BIRC6: variants seen among roughly 807,000 people sequenced by gnomAD.
BIRC6 encodes baculoviral IAP repeat containing 6.
BIRC6 carries 98 observed loss-of-function variants against 503.3 expected under a neutral mutation model. The ratio of observed to expected loss-of-function variants is 0.19; its 90% CI spans 0.17 to 0.23. BIRC6 has a LOEUF of 0.23. Among genes scored for constraint, BIRC6 ranks in the 10% least tolerant of loss-of-function variants. BIRC6 has a pLI of 1.00. For synonymous variants in BIRC6, 2,240 were observed against 2,078.7 expected, an observed-to-expected ratio of 1.08 and a Z score of -2.11; for missense variants, 5,360 against 5,806.0, an observed-to-expected ratio of 0.92 and a Z score of 2.50.
At chr2:32,432,949 A>G (rs935605132) in intron 12 of BIRC6, among the ~76,000 whole-genome samples, 2 of 152,140 alleles carry the variant, frequency 1.3e-5, no homozygotes, top group Non-Finnish European at 2.9e-5. Context: ...CTGATTCAGG[A>G]ATGCTGATGG....
intron 3 of BIRC6, among the ~76,000 whole-genome samples, chr2:32,382,370 A>G (rs2037797756): frequency 6.6e-6 from 1 of 152,246 alleles, no homozygotes. Context: ...AAACCAAAAC[A>G]AAATGCTGAA....
In BIRC6 at chr2:32,461,343, A is replaced by AGTGTGTGTGTGTGTGT. The variant is rs373274536; in HGVS notation, c.4754-1826_4754-1811dup. On this transcript the variant is annotated intron_variant, in intron 23 of 73. Transcript: ENST00000421745. Reference sequence around the variant, plus strand: ...GAGGCTTGTGCCACCATGCCTGGCTAGTGTGTGTGTGTGTGTGTGTGTGTG... The same window carrying AGTGTGTGTGTGTGTGT: ...GAGGCTTGTGCCACCATGCCTGGCTAGTGTGTGTGTGTGTGTGTGTGTGTGTGTGTGTGTGTGTGTG... 2.4e-3 allele frequency among the ~76,000 whole-genome samples: 316 copies of AGTGTGTGTGTGTGTGT among 132,122 alleles called. 4 individuals are homozygous for AGTGTGTGTGTGTGTGT. Among genetic ancestry groups the AGTGTGTGTGTGTGTGT allele is most frequent in the African/African-American group, 7.3e-3 (251 of 34,246 alleles). 86.7% of individuals were successfully genotyped at this position (132,122 alleles called of 152,430 possible). A position where few individuals can be genotyped will look rare whatever the true frequency, so the allele number is the denominator to read the frequency against.
intron 45 of BIRC6, among the ~76,000 whole-genome samples, chr2:32,499,116 A>G (rs1261379836): frequency 6.6e-6 from 1 of 152,232 alleles, no homozygotes; most frequent in African/African-American, 2.4e-5. Context: ...TTCAATTTTG[A>G]TACTTGAGAA....
At chr2:32,419,236 A>G (rs896205957) in intron 10 of BIRC6, among the ~76,000 whole-genome samples, 3 of 152,222 alleles carry the variant, frequency 2.0e-5, no homozygotes, top group African/African-American at 7.2e-5. Context: ...ACTGAATCAA[A>G]TGGATGTGAC....
intron 8 of BIRC6, among the ~76,000 whole-genome samples, chr2:32,404,041 C>T (rs961778367): frequency 1.3e-5 from 2 of 151,282 alleles, no homozygotes; most frequent in Non-Finnish European, 2.9e-5. Context: ...GATTTTTCTG[C>T]CTTAGCCTCC....
intron 65 of BIRC6, among the ~76,000 whole-genome samples, chr2:32,570,095 T>G (rs1248943321): frequency 6.6e-6 from 1 of 152,182 alleles, no homozygotes; most frequent in Non-Finnish European, 1.5e-5. Flanking sequence ...TGTGTGTTCC[T>G]TCTATGCCCA....
At chr2:32,425,125 G>A (rs969114030) in intron 10 of BIRC6, among the ~76,000 whole-genome samples, 5 of 151,390 alleles carry the variant, frequency 3.3e-5, no homozygotes, top group Admixed American at 6.6e-5. Context: ...TGAGTTGTAG[G>A]AACATTTTTA....
At chr2:32,383,892 A>G (rs1371691402) in intron 3 of BIRC6, among the ~76,000 whole-genome samples, 1 of 152,186 alleles carries the variant, frequency 6.6e-6, no homozygotes, top group Non-Finnish European at 1.5e-5. Context: ...GGAAGTACTA[A>G]GGGGCATCCT....
Position 32,401,375 on chromosome 2 carries a change from A to G in BIRC6, c.1247A>G (p.Lys416Arg), listed in dbSNP as rs781741200. The G allele has an allele frequency of 5.6e-5, 91 of 1,613,918 alleles. No individual in the cohort carries two copies. Among genetic ancestry groups the G allele is most frequent in the African/African-American group, 2.3e-4 (17 of 74,946 alleles). The change falls in exon 7 of 74, where the codon AAA becomes AGA. Residue 416 changes from lysine to arginine, a missense_variant. Physicochemically the swap from Lys to Arg is conservative, Grantham distance 26. Coordinates refer to ENST00000421745, the MANE Select transcript of BIRC6 (RefSeq NM_016252.4). ...AAGATCTGCATATGGGATGTTTCCA[A>G]ACTTATGAAGGTATGTTTGAATTTT... ...RGKICIWDVS[K>R]LMKVHLKFEI...
intron 1 of BIRC6, among the ~76,000 whole-genome samples, chr2:32,372,158 A>G (rs755910154): frequency 1.2e-4 from 18 of 152,284 alleles, no homozygotes; most frequent in Non-Finnish European, 2.4e-4. Context: ...TATAGAATAT[A>G]AAGTAAAGTT....
chr2:32,551,690 C>T (rs1048264488), intron 65 of BIRC6, among the ~76,000 whole-genome samples: 1 of 152,086 alleles, frequency 6.6e-6, no homozygotes, highest in Non-Finnish European at 1.5e-5. Flanking sequence ...CCAATTTTTT[C>T]ATTTGCGTAT....
chr2:32,444,883 A>G (rs1450567424), intron 20 of BIRC6, among the ~76,000 whole-genome samples: 1 of 152,198 alleles, frequency 6.6e-6, no homozygotes, highest in East Asian at 1.9e-4. Context: ...GAACATTTTG[A>G]CTCAGTTGCT....
chr2:32,371,482 C>T (rs984999220), intron 1 of BIRC6, among the ~76,000 whole-genome samples: 2 of 151,856 alleles, frequency 1.3e-5, no homozygotes, highest in Admixed American at 6.6e-5. Flanking sequence ...TTAAGTGAGT[C>T]TCCTGCCTCA....
At chr2:32,574,415 G>T (rs749376490) in intron 65 of BIRC6, among the ~76,000 whole-genome samples, 4 of 151,990 alleles carry the variant, frequency 2.6e-5, no homozygotes, top group Non-Finnish European at 5.9e-5. Context: ...ACAGTGTCCG[G>T]CCCCAAGTAT....
chr2:32,511,201 C>CTTTTTTTTTTTTTTTTTTTTT, intron 53 of BIRC6, among the ~76,000 whole-genome samples: 8 of 48,584 alleles, frequency 1.6e-4, no homozygotes, highest in East Asian at 1.6e-3. Flanking sequence ...CTTTTCTTTT[C>CTTTTTTTTTTTTTTTTTTTTT]TTTTTTTTTT....
rs767744174 is a variant in BIRC6, at chr2:32,598,005, T to G, written c.13830+37T>G. The G allele has an allele frequency of 2.0e-6, 3 of 1,511,048 alleles. No homozygotes were observed. In the African/African-American group the frequency reaches 4.1e-5, roughly 21 times the overall value. The allele number at this position is 1,511,048 out of a possible 1,614,324, so 93.6% of individuals were successfully genotyped here. A position where few individuals can be genotyped will look rare whatever the true frequency, so the allele number is the denominator to read the frequency against. ...TGATAATAAAGCACTCTCCCTTATC[T>G]CCTTGGCTCATCTAATTACTCAAAT... is the stretch of plus-strand genomic sequence containing the variant. On this transcript the variant is annotated intron_variant, in intron 69 of 73. Transcript: ENST00000421745.
chr2:32,584,393 G>A (rs2060890829), intron 66 of BIRC6, among the ~76,000 whole-genome samples: 1 of 152,058 alleles, frequency 6.6e-6, no homozygotes, highest in African/African-American at 2.4e-5. Flanking sequence ...AGCTGCGTGT[G>A]GTGGCGCACA....
rs1017596378 is a variant in BIRC6, at chr2:32,449,066, A to G, written c.4618+138A>G. 6.7e-6 allele frequency: 5 copies of G among 748,080 alleles called. No individual in the cohort carries two copies. The African/African-American group carries it at 7.2e-5, about 11-fold the overall frequency. 46.3% of individuals were successfully genotyped at this position (748,080 alleles called of 1,614,324 possible). On this transcript the variant is annotated intron_variant, in intron 22 of 73. Transcript: ENST00000421745. Reference sequence around the variant, plus strand: ...CTTAGAACTTATCATATGAATTATTAAAATGTTTCCTAGAAGTTCTTAACT... The same window carrying G: ...CTTAGAACTTATCATATGAATTATTGAAATGTTTCCTAGAAGTTCTTAACT...
Position 32,488,689 on chromosome 2 carries a change from G to T in BIRC6, c.8070G>T (p.Arg2690Ser). The T allele has an allele frequency of 7.0e-7, 1 of 1,438,240 alleles. No individual in the cohort carries two copies. Among genetic ancestry groups the T allele is most frequent in the Non-Finnish European group, 9.4e-7 (1 of 1,059,068 alleles). The allele number at this position is 1,438,240 out of a possible 1,614,324, so 89.1% of individuals were successfully genotyped here. A position where few individuals can be genotyped will look rare whatever the true frequency, so the allele number is the denominator to read the frequency against. ...ACATATTTTTATATAATGCTAATAGGATACCTGTTATTTCATTAAATCAAG... is the reference window on the plus strand; with the variant it reads ...ACATATTTTTATATAATGCTAATAGTATACCTGTTATTTCATTAAATCAAG... ...GADIFLYNAN[R>S]IPVISLNQAS... Residue 2690 changes from arginine to serine, a missense_variant, in exon 42 of 74, where the codon AGG becomes AGT. By Grantham distance (110) the Arg-to-Ser change is moderately radical. Coordinates refer to ENST00000421745, the MANE Select transcript of BIRC6 (RefSeq NM_016252.4).
Sources: gnomAD v4.1 joint callset for allele counts (sites outside exome capture counted in the v4.1 genomes callset) on GRCh38, gnomAD v4.1.1 for gene constraint, MANE v1.5 for transcripts, NCBI Gene and HGNC (gene_info 2026-07-23, HGNC 2026-07-21) for gene names.